The following NBAS variants were observed in gnomAD, a reference collection of about 807,000 sequenced individuals.
NBAS encodes the protein NBAS subunit of NRZ tethering complex.
Under a neutral mutation model 302.5 loss-of-function variants are expected in NBAS, and 219 were observed. That is an observed-to-expected ratio of 0.72 (90% confidence interval 0.65 to 0.81). The LOEUF (loss-of-function observed/expected upper bound fraction) is 0.81. Among genes scored for constraint, NBAS ranks in the 30% least tolerant of loss-of-function variants. The probability of loss-of-function intolerance (pLI) is 0.00; values close to 1 mark genes in which losing one functional copy is unlikely to be tolerated. For synonymous variants in NBAS, 1,118 were observed against 1,021.6 expected (o/e 1.09, Z -1.80); for missense variants, 2,932 against 2,841.6 (o/e 1.03, Z -0.72).
chr2:15,560,229 A>G (rs1664846925), intron 1 of NBAS, among the ~76,000 whole-genome samples: 1 of 152,212 alleles, frequency 6.6e-6, no homozygotes, highest in Non-Finnish European at 1.5e-5. Context: ...TATCTGTTAA[A>G]TAAACATGGA....
chr2:14,996,788 G>A, the NBAS span, among the ~76,000 whole-genome samples: 1 of 152,116 alleles, frequency 6.6e-6, no homozygotes, highest in African/African-American at 2.4e-5. Context: ...AGTACAAAAT[G>A]CTTCAAGGAC....
At chr2:15,036,986 G>A in the NBAS span, among the ~76,000 whole-genome samples, 106,666 of 152,036 alleles carry the variant, frequency 0.7, 38,116 homozygotes, top group East Asian at 0.89. Context: ...CTTGGATATG[G>A]GCAGGCAATG....
chr2:14,913,011 A>G, the NBAS span, among the ~76,000 whole-genome samples: 2 of 152,378 alleles, frequency 1.3e-5, no homozygotes, highest in African/African-American at 4.8e-5. Flanking sequence ...ATGGAGAAGA[A>G]AGTTGAAAGA....
At chr2:15,177,806 A>T (rs1664622291) in intron 51 of NBAS, 1 of 173,798 alleles carries the variant, frequency 5.8e-6, no homozygotes. Flanking sequence ...ACGGAAAGGC[A>T]AGTCCCCTTG....
chr2:14,813,955 A>T, the NBAS span, among the ~76,000 whole-genome samples: 2 of 152,230 alleles, frequency 1.3e-5, no homozygotes, highest in South Asian at 2.1e-4. Flanking sequence ...GGTGCCCTGC[A>T]TCCCAACTGC....
At chr2:15,546,130 T>A (rs1664095416) in intron 6 of NBAS, among the ~76,000 whole-genome samples, 1 of 152,206 alleles carries the variant, frequency 6.6e-6, no homozygotes, top group Non-Finnish European at 1.5e-5. Context: ...TTTAACAACC[T>A]ATCTTTAAGT....
At position 15,398,105 on chromosome 2, in the gene NBAS, GTGTT is replaced by G. The variant is rs1675958621; in HGVS notation, c.3072-1634_3072-1631del. On this transcript the variant is annotated intron_variant, in intron 26 of 51. Coordinates refer to ENST00000281513, the MANE Select transcript of NBAS (RefSeq NM_015909.4). The stretch of plus-strand genomic sequence containing the variant: ...CTCAGTCAGCCGTGTGTGTGTGTGT[GTGTT>G]TGTGTATGTTTTTTTGTTTGTTTGT... Among the ~76,000 whole-genome samples, 3 of 150,646 alleles carry G rather than the reference GTGTT, an allele frequency of 2.0e-5. No homozygotes were observed. In the East Asian group the frequency reaches 5.8e-4, roughly 29 times the overall value.
At chr2:15,204,182 C>G (rs897224337) in intron 48 of NBAS, among the ~76,000 whole-genome samples, 1 of 151,942 alleles carries the variant, frequency 6.6e-6, no homozygotes, top group South Asian at 2.1e-4. Flanking sequence ...GATCCTTGAG[C>G]CAGGAGGATG....
intron 26 of NBAS, among the ~76,000 whole-genome samples, chr2:15,401,524 T>C (rs1272733132): frequency 1.3e-5 from 2 of 152,022 alleles, no homozygotes; most frequent in African/African-American, 4.8e-5. Flanking sequence ...GTCATAAAAG[T>C]TTAAAACAGG....
the NBAS span, among the ~76,000 whole-genome samples, chr2:14,811,703 G>A: frequency 2.6e-5 from 4 of 152,120 alleles, no homozygotes; most frequent in Non-Finnish European, 4.4e-5. Flanking sequence ...ACTAGATGAG[G>A]GGAAGAAAGT....
intron 6 of NBAS, among the ~76,000 whole-genome samples, chr2:15,546,653 G>A (rs1206774672): frequency 3.9e-5 from 6 of 152,162 alleles, no homozygotes; most frequent in Non-Finnish European, 5.9e-5. Flanking sequence ...ACTTGAACTC[G>A]GGAGGTGGAG....
At chr2:15,231,074 T>C (rs1667363752) in intron 47 of NBAS, among the ~76,000 whole-genome samples, 2 of 152,192 alleles carry the variant, frequency 1.3e-5, no homozygotes. Context: ...CCAGATCGTC[T>C]CCCGCGCAAG....
chr2:15,233,766 G>A (rs1018738554), intron 46 of NBAS, among the ~76,000 whole-genome samples: 2 of 152,074 alleles, frequency 1.3e-5, no homozygotes, highest in African/African-American at 4.8e-5. Flanking sequence ...ATGAGGCTGG[G>A]GTAATTAAAC....
At chr2:15,443,728 C>T (rs9678257) in intron 21 of NBAS, among the ~76,000 whole-genome samples, 85,610 of 144,944 alleles carry the variant, frequency 0.59, 25,660 homozygotes, top group Middle Eastern at 0.65. Context: ...TGTTTGCAGA[C>T]GACATGATTG....
At chr2:15,243,336 T>C (rs1360435089) in intron 44 of NBAS, among the ~76,000 whole-genome samples, 1 of 152,164 alleles carries the variant, frequency 6.6e-6, no homozygotes, top group African/African-American at 2.4e-5. Context: ...GTTTCCCTTT[T>C]TTAACCACAA....
chr2:15,177,115 T>C (rs575342550), intron 51 of NBAS, among the ~76,000 whole-genome samples: 1 of 152,312 alleles, frequency 6.6e-6, no homozygotes, highest in African/African-American at 2.4e-5. Context: ...CTTAGCAATT[T>C]ATACCTGTGG....
the NBAS span, among the ~76,000 whole-genome samples, chr2:14,781,990 G>A: frequency 5.9e-5 from 9 of 151,978 alleles, no homozygotes; most frequent in African/African-American, 1.9e-4. Context: ...CTCCTCCCCC[G>A]CCACAAGTTC....
chr2:15,046,052 A>T, the NBAS span, among the ~76,000 whole-genome samples: 1 of 152,140 alleles, frequency 6.6e-6, no homozygotes, highest in African/African-American at 2.4e-5. Flanking sequence ...AGGTGAATGT[A>T]TGTTCATATT....
chr2:14,948,480 G>A, the NBAS span, among the ~76,000 whole-genome samples: 2 of 151,790 alleles, frequency 1.3e-5, no homozygotes, highest in African/African-American at 4.8e-5. Flanking sequence ...AATTAATCAA[G>A]AAACCAATCC....
Sources: allele counts gnomAD v4.1 joint callset (sites outside exome capture counted in the v4.1 genomes callset), GRCh38; gene constraint gnomAD v4.1.1; transcripts MANE v1.5; gene names NCBI Gene and HGNC (gene_info 2026-07-23, HGNC 2026-07-21).